The following DDX10 variants were observed in gnomAD, a reference collection of about 807,000 sequenced individuals.
The protein encoded by DDX10 is DEAD-box helicase 10, also known as probable ATP-dependent RNA helicase DDX10.
Under a neutral mutation model 104.3 loss-of-function variants are expected in DDX10, and 74 were observed. The observed-to-expected ratio is 0.71, with a 90% confidence interval of 0.59 to 0.86. The LOEUF (loss-of-function observed/expected upper bound fraction) is 0.86. DDX10 is among the 40% of genes least tolerant of loss of function. The pLI is 0.00. For synonymous variants in DDX10, 351 were observed against 353.4 expected (o/e 0.99, Z 0.08); for missense variants, 952 against 1,040.0 (o/e 0.92, Z 1.16).
chr11:108,917,303 T>G (rs907147668), intron 16 of DDX10, among the ~76,000 whole-genome samples: 1 of 152,126 alleles, frequency 6.6e-6, no homozygotes, highest in Admixed American at 6.6e-5. Flanking sequence ...GTACTCTGGC[T>G]TCTGATCTTT....
intron 16 of DDX10, among the ~76,000 whole-genome samples, chr11:108,871,555 C>T (rs2134623662): frequency 6.6e-6 from 1 of 152,298 alleles, no homozygotes; most frequent in Middle Eastern, 3.4e-3. Context: ...AAACAAATTT[C>T]AGCTCTGCTT....
chr11:108,803,889 A>G lies in DDX10; in HGVS notation c.1966-34557A>G, dbSNP rs567083530. ...GCCTCTGGACTGTTTTCTTTTTGCT[A>G]TCCTATGAGGGTTACATGAAACAAT... is the stretch of plus-strand genomic sequence containing the variant. On this transcript the variant is annotated intron_variant, in intron 13 of 17. Coordinates refer to ENST00000322536, the MANE Select transcript of DDX10 (RefSeq NM_004398.4). Among the ~76,000 whole-genome samples the G allele has an allele frequency of 2.6e-5, 4 of 152,244 alleles. No individual in the cohort carries two copies. In the South Asian group the frequency reaches 6.2e-4, roughly 24 times the overall value.
intron 17 of DDX10, among the ~76,000 whole-genome samples, chr11:108,935,310 G>A (rs1864022872): frequency 6.6e-6 from 1 of 152,116 alleles, no homozygotes. Flanking sequence ...GAATAGAAAG[G>A]AGCCTCAAAG....
At chr11:108,913,853 T>C (rs986324465) in intron 16 of DDX10, among the ~76,000 whole-genome samples, 13 of 152,348 alleles carry the variant, frequency 8.5e-5, no homozygotes, top group Non-Finnish European at 1.2e-4. Context: ...ACTTAGTGAC[T>C]TGTGTTGTAA....
rs1159643573 is a variant in DDX10, at chr11:108,708,120, A to G, written c.1322+1283A>G. ...TTTGAATTCCTGCCAGCAATTAATG[A>G]GAGTTCCTGTTGCTCCACATTCTTG... On this transcript the variant is annotated intron_variant, in intron 10 of 17. Coordinates refer to ENST00000322536, the MANE Select transcript of DDX10 (RefSeq NM_004398.4). Among the ~76,000 whole-genome samples the G allele has an allele frequency of 5.3e-5, 8 of 151,624 alleles. No individual in the cohort carries two copies. The East Asian group carries it at 1.4e-3, about 26-fold the overall frequency.
chr11:108,939,084 C>T (rs752033955), intron 17 of DDX10, among the ~76,000 whole-genome samples: 2 of 152,160 alleles, frequency 1.3e-5, no homozygotes, highest in Non-Finnish European at 2.9e-5. Context: ...TCTCATTTAT[C>T]TAAGTTCATT....
In DDX10 at chr11:108,918,238, C is replaced by A. The variant is rs759949614; in HGVS notation, c.2450+220C>A. 360 of 571,804 alleles carry A rather than the reference C, an allele frequency of 6.3e-4. 2 individuals are homozygous for A. The highest frequency in any genetic ancestry group is 7.1e-4 in the Non-Finnish European group (234 of 327,300). 35.4% of individuals were successfully genotyped at this position (571,804 alleles called of 1,614,324 possible). A position where few individuals can be genotyped will look rare whatever the true frequency, so the allele number is the denominator to read the frequency against. ...GGGCCTTTTTGATTATTTCTATAAT[C>A]CCTATTAATAGATATGAGTATGATA... On this transcript the variant is annotated intron_variant, in intron 17 of 17. Coordinates refer to ENST00000322536, the MANE Select transcript of DDX10 (RefSeq NM_004398.4).
chr11:108,794,839 T>G (rs2134551285), intron 13 of DDX10, among the ~76,000 whole-genome samples: 1 of 152,208 alleles, frequency 6.6e-6, no homozygotes, highest in East Asian at 1.9e-4. Flanking sequence ...TCTCTTTTTT[T>G]TTTTTGAGAC....
chr11:108,801,983 A>AGAAG (rs1862027810), intron 13 of DDX10, among the ~76,000 whole-genome samples: 2 of 149,110 alleles, frequency 1.3e-5, no homozygotes, highest in African/African-American at 4.9e-5. Context: ...GGGGGGAGGG[A>AGAAG]GAAGGAAGGG....
chr11:108,766,774 A>G (rs1246130835), intron 13 of DDX10, among the ~76,000 whole-genome samples: 1 of 152,170 alleles, frequency 6.6e-6, no homozygotes, highest in Admixed American at 6.5e-5. Flanking sequence ...CCTGGTACAT[A>G]GTTAACACGC....
chr11:108,719,715 CATTGGCTA>C lies in DDX10; in HGVS notation c.1411-78_1411-71del, dbSNP rs1295790664. On this transcript the variant is annotated intron_variant, in intron 11 of 17. Coordinates refer to ENST00000322536, the MANE Select transcript of DDX10 (RefSeq NM_004398.4). ...TTTTTCAGTACTATTGAATTTATCC[CATTGGCTA>C]ATTTTCTTATATTTTGGTCTAAACT... 9 of 763,878 alleles carry C rather than the reference CATTGGCTA, an allele frequency of 1.2e-5. 1 individual carries two copies. The highest frequency in any genetic ancestry group is 1.9e-5 in the Non-Finnish European group (9 of 463,970). 47.3% of individuals were successfully genotyped at this position (763,878 alleles called of 1,614,324 possible). A position where few individuals can be genotyped will look rare whatever the true frequency, so the allele number is the denominator to read the frequency against.
intron 17 of DDX10, among the ~76,000 whole-genome samples, chr11:108,932,119 C>T (rs1863982936): frequency 6.6e-6 from 1 of 151,830 alleles, no homozygotes; most frequent in African/African-American, 2.4e-5. Flanking sequence ...TCATCTCTGC[C>T]AGGGCAGTGG....
At chr11:108,798,062 C>T (rs1205236463) in intron 13 of DDX10, among the ~76,000 whole-genome samples, 4 of 152,170 alleles carry the variant, frequency 2.6e-5, no homozygotes, top group African/African-American at 9.7e-5. Context: ...ATTTTCTGCT[C>T]TCACTTCCAT....
intron 9 of DDX10, among the ~76,000 whole-genome samples, chr11:108,695,597 G>A (rs531657142): frequency 6.6e-6 from 1 of 151,978 alleles, no homozygotes; most frequent in African/African-American, 2.4e-5. Flanking sequence ...TATATTTTTT[G>A]GGTAGCTTTG....
intron 13 of DDX10, among the ~76,000 whole-genome samples, chr11:108,787,401 G>C (rs976264325): frequency 6.6e-6 from 1 of 151,988 alleles, no homozygotes; most frequent in African/African-American, 2.4e-5. Flanking sequence ...AGCAGGATTC[G>C]GGAGATTTTC....
At chr11:108,722,087 G>C (rs893871952) in intron 12 of DDX10, among the ~76,000 whole-genome samples, 1 of 152,220 alleles carries the variant, frequency 6.6e-6, no homozygotes, top group African/African-American at 2.4e-5. Flanking sequence ...AAATGGGAAA[G>C]CTCCGGTATG....
intron 13 of DDX10, among the ~76,000 whole-genome samples, chr11:108,742,097 T>C (rs2094325877): frequency 6.6e-6 from 1 of 151,528 alleles, no homozygotes; most frequent in Non-Finnish European, 1.5e-5. Flanking sequence ...CTGTTTCTAC[T>C]AAAAATACAA....
intron 6 of DDX10, among the ~76,000 whole-genome samples, 164 bp downstream of exon 6, chr11:108,679,724 A>T (rs1035245757): frequency 6.6e-6 from 1 of 152,196 alleles, no homozygotes; most frequent in Non-Finnish European, 1.5e-5. Flanking sequence ...TTCTGCATAT[A>T]TCTTTAAATG....
intron 16 of DDX10, among the ~76,000 whole-genome samples, chr11:108,887,582 T>TAAA (rs34226825): frequency 1.4e-5 from 2 of 140,908 alleles, no homozygotes; most frequent in East Asian, 2.0e-4. Flanking sequence ...ATAGTCTGCT[T>TAAA]AAAAAAAAAA....
Sources: gnomAD v4.1 joint callset for allele counts (sites outside exome capture counted in the v4.1 genomes callset) on GRCh38, gnomAD v4.1.1 for gene constraint, MANE v1.5 for transcripts, NCBI Gene and HGNC (gene_info 2026-07-23, HGNC 2026-07-21) for gene names.